STK26: variants seen among roughly 807,000 people sequenced by gnomAD.
STK26 encodes the protein serine/threonine-protein kinase 26.
A neutral mutation model predicts 34.7 loss-of-function variants in STK26; 14 were observed. The ratio of observed to expected loss-of-function variants is 0.40; its 90% CI spans 0.27 to 0.63. STK26 has a LOEUF of 0.63. Among genes scored for constraint, STK26 ranks in the 30% least tolerant of loss-of-function variants. The pLI is 0.38. For missense variants in STK26, 226 were observed against 309.1 expected (o/e 0.73, Z 2.02); for synonymous variants, 100 against 109.8 (o/e 0.91, Z 0.56).
chrX:132,073,147 ATT>A (rs1927474453), intron 11 of STK26, 54 bp downstream of exon 11: 1 of 1,095,568 alleles, frequency 9.1e-7, no homozygotes, highest in Non-Finnish European at 1.2e-6. Context: ...TTGTATGTTA[ATT>A]TATGATGCAA....
intron 7 of STK26, 107 bp downstream of exon 7, chrX:132,069,770 T>G: frequency 2.1e-6 from 1 of 470,765 alleles, no homozygotes; most frequent in South Asian, 1.2e-4. Context: ...GAGAATTGTC[T>G]AAGATCCATC....
At chrX:132,035,785 C>T (rs1339493836) in intron 2 of STK26, among the ~76,000 whole-genome samples, 4 of 101,737 alleles carry the variant, frequency 3.9e-5, no homozygotes, top group Non-Finnish European at 8.0e-5. Flanking sequence ...TATGTCCCCC[C>T]CTCAAAAAAA....
At chrX:132,043,224 T>C (rs4573446) in intron 2 of STK26, among the ~76,000 whole-genome samples, 6,953 of 111,755 alleles carry the variant, frequency 0.062, 210 homozygotes, top group Middle Eastern at 0.099. Context: ...CCCATGATAG[T>C]TCGATATTTG....
intron 2 of STK26, among the ~76,000 whole-genome samples, chrX:132,038,444 A>T (rs2124142514): frequency 8.9e-6 from 1 of 111,842 alleles, no homozygotes; most frequent in African/African-American, 3.2e-5. Context: ...AAGATCAGGG[A>T]AAAGATCTAA....
intron 3 of STK26, among the ~76,000 whole-genome samples, chrX:132,057,053 T>A (rs1434162842): frequency 1.8e-5 from 2 of 112,153 alleles, no homozygotes; most frequent in African/African-American, 6.5e-5. Flanking sequence ...GCTAGCTCAC[T>A]GTGGCAGTGG....
At chrX:132,060,843 C>G (rs1211048290) in intron 3 of STK26, among the ~76,000 whole-genome samples, 1 of 110,287 alleles carries the variant, frequency 9.1e-6, no homozygotes, top group Non-Finnish European at 1.9e-5. Context: ...TCTCAGACTC[C>G]TGGACTCAAG....
intron 2 of STK26, among the ~76,000 whole-genome samples, chrX:132,046,154 T>C (rs189869311): frequency 8.9e-6 from 1 of 112,219 alleles, no homozygotes; most frequent in Admixed American, 9.5e-5. Context: ...TGAACTGTCT[T>C]ACAAACATGT....
At chrX:132,030,266 A>G (rs1925781669) in intron 2 of STK26, among the ~76,000 whole-genome samples, 1 of 110,735 alleles carries the variant, frequency 9.0e-6, no homozygotes, top group Non-Finnish European at 1.9e-5. Flanking sequence ...CTTTCTTGGT[A>G]ACCATGGCTG....
At chrX:132,047,193 A>C (rs560737875) in intron 2 of STK26, among the ~76,000 whole-genome samples, 39 of 112,084 alleles carry the variant, frequency 3.5e-4, no homozygotes, top group African/African-American at 1.2e-3. Context: ...GGGATCTCTA[A>C]AGAATTCCAT....
intron 2 of STK26, among the ~76,000 whole-genome samples, chrX:132,036,811 A>G (rs977951655): frequency 2.7e-5 from 3 of 112,155 alleles, no homozygotes; most frequent in Non-Finnish European, 5.6e-5. Flanking sequence ...TGTATTGCAC[A>G]TGAAGTATAT....
intron 2 of STK26, among the ~76,000 whole-genome samples, chrX:132,029,285 C>T (rs1359764999): frequency 8.9e-6 from 1 of 111,860 alleles, no homozygotes; most frequent in African/African-American, 3.3e-5. Context: ...ATTTTTTATT[C>T]TGCTTTTCAT....
intron 3 of STK26, among the ~76,000 whole-genome samples, chrX:132,058,457 A>T (rs974090556): frequency 9.0e-6 from 1 of 111,323 alleles, no homozygotes; most frequent in African/African-American, 3.3e-5. Flanking sequence ...GCTATTCCAT[A>T]ATATATTGAA....
chrX:132,033,881 A>G (rs1298664788), intron 2 of STK26, among the ~76,000 whole-genome samples: 1 of 110,346 alleles, frequency 9.1e-6, no homozygotes. Context: ...ATGAATCCCA[A>G]ATGAGATAGA....
At chrX:132,072,180 C>T in intron 8 of STK26, 88 bp from the exon 9 acceptor site, 2 of 680,935 alleles carry the variant, frequency 2.9e-6, no homozygotes, top group Admixed American at 2.6e-5. Context: ...GACAATTATC[C>T]CTTTAGATTC....
rs755403402 is a variant in STK26, at chrX:132,037,769, C to CTT, written c.42+14132_42+14133dup. Among the ~76,000 whole-genome samples the CTT allele has an allele frequency of 2.6e-3, 137 of 51,848 alleles. 4 individuals carry two copies. Among genetic ancestry groups the CTT allele is most frequent in the African/African-American group, 0.011 (128 of 11,371 alleles). The allele number at this position is 51,848 out of a possible 115,157, so 45.0% of individuals were successfully genotyped here. A position where few individuals can be genotyped will look rare whatever the true frequency, so the allele number is the denominator to read the frequency against. The stretch of plus-strand genomic sequence containing the variant: ...ACAAAGTCTTGTAACCGGAGAGCTG[C>CTT]TTTTTTTTTTTTTTTTTTTTTTTAA... On this transcript the variant is annotated intron_variant, in intron 2 of 11. Coordinates refer to ENST00000394334, the MANE Select transcript of STK26 (RefSeq NM_016542.4).
At chrX:132,055,617 A>G (rs1267130165) in intron 3 of STK26, 2 of 686,839 alleles carry the variant, frequency 2.9e-6, no homozygotes, top group Admixed American at 6.7e-5. Flanking sequence ...AAAAGCCCCC[A>G]TGAACTCTAG....
At chrX:132,033,410 A>C (rs972507486) in intron 2 of STK26, among the ~76,000 whole-genome samples, 1 of 112,345 alleles carries the variant, frequency 8.9e-6, no homozygotes, top group Non-Finnish European at 1.9e-5. Flanking sequence ...GTTGTGGTTA[A>C]AGAGACTAAA....
In STK26 at chrX:132,042,148, T is replaced by C. The variant is rs940217077; in HGVS notation, c.43-12483T>C. Among the ~76,000 whole-genome samples, 9 of 111,301 alleles carry C rather than the reference T, an allele frequency of 8.1e-5. 1 individual carries two copies. The South Asian group carries it at 3.4e-3, about 42-fold the overall frequency. Reference sequence around the variant, plus strand: ...ACATATTTACAAGTGCTATTGACAATGGGGACAATGGGGTAGGATGGAGAT... The same window carrying C: ...ACATATTTACAAGTGCTATTGACAACGGGGACAATGGGGTAGGATGGAGAT... On this transcript the variant is annotated intron_variant, in intron 2 of 11. Transcript: ENST00000394334.
intron 2 of STK26, among the ~76,000 whole-genome samples, chrX:132,024,647 T>G (rs1273300601): frequency 1.8e-5 from 2 of 111,560 alleles, no homozygotes; most frequent in Non-Finnish European, 3.8e-5. Context: ...AAAACAAACT[T>G]TTTTGAAGTT....
Sources: gnomAD v4.1 joint callset for allele counts (sites outside exome capture counted in the v4.1 genomes callset) on GRCh38, gnomAD v4.1.1 for gene constraint, MANE v1.5 for transcripts, NCBI Gene and HGNC (gene_info 2026-07-23, HGNC 2026-07-21) for gene names.